The following TMEM178B variants were observed in gnomAD, a reference collection of about 807,000 sequenced individuals.
TMEM178B encodes transmembrane protein 178B.
In TMEM178B, 5 loss-of-function variants were observed where a neutral mutation model predicts 31.0. The ratio of observed to expected loss-of-function variants is 0.16; its 90% confidence interval spans 0.08 to 0.34. The LOEUF is 0.34. Ranked by LOEUF, TMEM178B falls within the 10% of genes least tolerant of loss-of-function variation. The pLI is 1.00. For synonymous variants in TMEM178B, 164 were observed against 164.0 expected (o/e 1.00, Z 0.00); for missense variants, 275 against 400.3 (o/e 0.69, Z 2.67).
intron 2 of TMEM178B, among the ~76,000 whole-genome samples, chr7:141,228,070 A>G (rs561739802): frequency 6.6e-6 from 1 of 152,318 alleles, no homozygotes; most frequent in South Asian, 2.1e-4. Context: ...GCACACACAT[A>G]TCACATTCAA....
chr7:141,199,098 A>G (rs1049549570), intron 1 of TMEM178B, among the ~76,000 whole-genome samples: 1 of 152,232 alleles, frequency 6.6e-6, no homozygotes, highest in Non-Finnish European at 1.5e-5. Context: ...ACAGACGGAG[A>G]CAGCTCATTC....
At chr7:141,138,705 G>A (rs554178584) in intron 1 of TMEM178B, among the ~76,000 whole-genome samples, 12 of 152,208 alleles carry the variant, frequency 7.9e-5, no homozygotes, top group African/African-American at 2.6e-4. Flanking sequence ...AGTGGTGGCC[G>A]GGCGGGGTGG....
intron 2 of TMEM178B, among the ~76,000 whole-genome samples, chr7:141,336,967 C>T (rs1586899496): frequency 1.2e-5 from 1 of 86,122 alleles, no homozygotes; most frequent in Non-Finnish European, 2.4e-5. Context: ...CCATCACTAC[C>T]ACCACCACCA....
rs1270226522 is a variant in TMEM178B at position 141,473,699 on chromosome 7, C to T, written c.*2913C>T. The T allele has an allele frequency of 1.3e-5, 2 of 152,166 alleles. No homozygotes were observed. The highest frequency in any genetic ancestry group is 6.5e-5 in the Admixed American group (1 of 15,278). 9.4% of individuals were successfully genotyped at this position (152,166 alleles called of 1,614,324 possible). Reference sequence around the variant, plus strand: ...CCAGAGCAGGGGCTTTGAGTGACTTCTTTGATAGCAGGACCAGATAAATAC... The same window carrying T: ...CCAGAGCAGGGGCTTTGAGTGACTTTTTTGATAGCAGGACCAGATAAATAC... On this transcript the variant is annotated 3_prime_UTR_variant, in exon 4 of 4. Coordinates refer to ENST00000565468, the MANE Select transcript of TMEM178B (RefSeq NM_001195278.2).
intron 3 of TMEM178B, among the ~76,000 whole-genome samples, chr7:141,458,377 G>T (rs1413237846): frequency 6.6e-6 from 1 of 152,164 alleles, no homozygotes; most frequent in African/African-American, 2.4e-5. Context: ...CCCACTGGAG[G>T]CTGTAAACTC....
chr7:141,157,559 T>A (rs1796093329), intron 1 of TMEM178B, among the ~76,000 whole-genome samples: 1 of 151,896 alleles, frequency 6.6e-6, no homozygotes, highest in African/African-American at 2.4e-5. Flanking sequence ...GAGGTCTGGG[T>A]CCAAGAGAGT....
intron 2 of TMEM178B, among the ~76,000 whole-genome samples, chr7:141,273,066 T>C (rs986957881): frequency 5.9e-5 from 9 of 152,256 alleles, no homozygotes; most frequent in East Asian, 1.9e-4. Flanking sequence ...GAAATTCTGC[T>C]GTTTGCAACA....
intron 1 of TMEM178B, among the ~76,000 whole-genome samples, chr7:141,194,264 A>G (rs1412732149): frequency 2.0e-5 from 3 of 152,174 alleles, no homozygotes; most frequent in African/African-American, 4.8e-5. Flanking sequence ...CCACAGCCCA[A>G]AGTCTCATCT....
downstream of TMEM178B, among the ~76,000 whole-genome samples, chr7:141,480,773 A>G (rs917147599): frequency 6.6e-6 from 1 of 152,236 alleles, no homozygotes; most frequent in African/African-American, 2.4e-5. Context: ...TTTCTCTCCT[A>G]GTCTTCATCA....
chr7:141,313,953 G>T (rs988734741), intron 2 of TMEM178B, among the ~76,000 whole-genome samples: 1 of 152,122 alleles, frequency 6.6e-6, no homozygotes, highest in Non-Finnish European at 1.5e-5. Flanking sequence ...GAGCAGACAA[G>T]AATGAGAGAG....
At chr7:141,361,401 C>G (rs1394115679) in intron 2 of TMEM178B, among the ~76,000 whole-genome samples, 5 of 152,094 alleles carry the variant, frequency 3.3e-5, no homozygotes, top group East Asian at 3.9e-4. Flanking sequence ...TTCAATTTCT[C>G]TATGTCCAAG....
chr7:141,320,623 G>A lies in TMEM178B; in HGVS notation c.496+107919G>A, dbSNP rs546599255. 7.2e-4 allele frequency among the ~76,000 whole-genome samples: 109 copies of A among 152,218 alleles called. 1 individual carries two copies. The highest frequency in any genetic ancestry group is 2.4e-3 in the African/African-American group (101 of 41,538). On this transcript the variant is annotated intron_variant, in intron 2 of 3. Transcript: ENST00000565468. ...TTCCATCCTGAGCTAATTCTGGAGC[G>A]CTTTACATATTCAGTCATCATCTGT...
intron 2 of TMEM178B, among the ~76,000 whole-genome samples, chr7:141,388,788 A>T (rs151271879): frequency 6.6e-6 from 1 of 152,230 alleles, no homozygotes; most frequent in African/African-American, 2.4e-5. Context: ...GCTGATTTAT[A>T]TAGGGTCAGA....
chr7:141,260,790 A>G (rs968625705), intron 2 of TMEM178B, among the ~76,000 whole-genome samples: 1 of 152,236 alleles, frequency 6.6e-6, no homozygotes, highest in African/African-American at 2.4e-5. Flanking sequence ...TTCACAAAAA[A>G]TATTCTTTTT....
chr7:141,228,390 T>C (rs995586943), intron 2 of TMEM178B, among the ~76,000 whole-genome samples: 2 of 145,740 alleles, frequency 1.4e-5, no homozygotes, highest in Admixed American at 6.9e-5. Context: ...TTCTTCTTTC[T>C]TTTTTTTTTT....
intron 2 of TMEM178B, among the ~76,000 whole-genome samples, chr7:141,434,862 G>A (rs944631242): frequency 1.3e-5 from 2 of 152,140 alleles, no homozygotes; most frequent in African/African-American, 4.8e-5. Context: ...TGCAATATTT[G>A]TCTTTCTGTG....
At chr7:141,485,624 G>A in the TMEM178B span, among the ~76,000 whole-genome samples, 5 of 152,328 alleles carry the variant, frequency 3.3e-5, no homozygotes, top group East Asian at 5.8e-4. Flanking sequence ...CTGCAGCTGC[G>A]TCTTAAAGCA....
intron 1 of TMEM178B, among the ~76,000 whole-genome samples, chr7:141,143,447 A>G (rs1295826907): frequency 6.6e-6 from 1 of 152,172 alleles, no homozygotes; most frequent in Non-Finnish European, 1.5e-5. Context: ...CTAGCCAGCT[A>G]TCCCAGCACC....
intron 2 of TMEM178B, among the ~76,000 whole-genome samples, chr7:141,398,476 C>T (rs765421341): frequency 3.9e-5 from 6 of 152,130 alleles, no homozygotes; most frequent in Non-Finnish European, 7.4e-5. Flanking sequence ...CTGCAGTGAA[C>T]AGCACATCCC....
Sources: gnomAD v4.1 joint callset for allele counts (sites outside exome capture counted in the v4.1 genomes callset) on GRCh38, gnomAD v4.1.1 for gene constraint, MANE v1.5 for transcripts, NCBI Gene and HGNC (gene_info 2026-07-23, HGNC 2026-07-21) for gene names.